GRIK4: variants seen among roughly 807,000 people sequenced by gnomAD.
GRIK4 encodes the protein glutamate receptor ionotropic, kainate 4.
GRIK4 carries 40 observed loss-of-function variants against 104.9 expected under a neutral mutation model. The ratio of observed to expected loss-of-function variants is 0.38; its 90% CI spans 0.30 to 0.50. The LOEUF (loss-of-function observed/expected upper bound fraction) is 0.50. Ranked by LOEUF, GRIK4 falls within the 20% of genes least tolerant of loss-of-function variation. The pLI is 0.93. For synonymous variants in GRIK4, 485 were observed against 524.9 expected (o/e 0.92, Z 1.04); for missense variants, 1,047 against 1,308.1 (o/e 0.80, Z 3.08).
intron 2 of GRIK4, among the ~76,000 whole-genome samples, chr11:120,655,833 G>C (rs1465705336): frequency 6.6e-6 from 1 of 152,198 alleles, no homozygotes. Context: ...GAGGAAGTAG[G>C]AGGAGGAGCA....
Position 120,952,755 on chromosome 11 carries a change from C to A in GRIK4, c.1591-100C>A. On this transcript the variant is annotated intron_variant, in intron 14 of 20. Transcript: ENST00000527524. The surrounding 1 kb of genome is among the most constrained non-coding windows in gnomAD (Gnocchi z 5.2). Reference sequence around the variant, plus strand: ...GAACCCACAGAAATGGGAACTGGGGCCAGACCCACACTCACTACCTCCTCT... The same window carrying A: ...GAACCCACAGAAATGGGAACTGGGGACAGACCCACACTCACTACCTCCTCT... 2.5e-6 allele frequency: 2 copies of A among 804,470 alleles called. No homozygotes were observed. Among genetic ancestry groups the A allele is most frequent in the Non-Finnish European group, 4.4e-6 (2 of 450,690 alleles). The allele number at this position is 804,470 out of a possible 1,614,324, so 49.8% of individuals were successfully genotyped here.
At chr11:120,699,489 A>G (rs12278795) in intron 3 of GRIK4, among the ~76,000 whole-genome samples, 17,560 of 151,934 alleles carry the variant, frequency 0.12, 1,109 homozygotes, top group South Asian at 0.2. Flanking sequence ...ATTGAAATGA[A>G]TAGGAATCCC....
At chr11:120,784,360 A>G (rs1952221757) in intron 3 of GRIK4, among the ~76,000 whole-genome samples, 1 of 152,182 alleles carries the variant, frequency 6.6e-6, no homozygotes, top group Non-Finnish European at 1.5e-5. Context: ...CAAGGTGGAA[A>G]CAATCGAAGT....
intron 3 of GRIK4, among the ~76,000 whole-genome samples, chr11:120,688,947 T>C (rs1287810559): frequency 6.6e-6 from 1 of 152,080 alleles, no homozygotes; most frequent in Non-Finnish European, 1.5e-5. Flanking sequence ...GCACCAGGTC[T>C]TGGGAAAACA....
intron 4 of GRIK4, among the ~76,000 whole-genome samples, chr11:120,803,800 A>G (rs1486083461): frequency 6.6e-6 from 1 of 152,228 alleles, no homozygotes; most frequent in East Asian, 1.9e-4. Context: ...TTTTACAGGC[A>G]TATGTAGTAG....
Position 120,923,499 on chromosome 11 carries a change from G to A in GRIK4, c.1477-16848G>A, listed in dbSNP as rs904743178. Among the ~76,000 whole-genome samples, 183 of 131,470 alleles carry A rather than the reference G, an allele frequency of 1.4e-3. 1 individual carries two copies. The highest frequency in any genetic ancestry group is 1.7e-3 in the Non-Finnish European group (112 of 65,168). 86.2% of individuals were successfully genotyped at this position (131,470 alleles called of 152,430 possible). A position where few individuals can be genotyped will look rare whatever the true frequency, so the allele number is the denominator to read the frequency against. ...GCGATCTCGGCTCACTGCAAGCTCCGCCTCCCGGGTTCACACCATTCTCCT... is the reference window on the plus strand; with the variant it reads ...GCGATCTCGGCTCACTGCAAGCTCCACCTCCCGGGTTCACACCATTCTCCT... On this transcript the variant is annotated intron_variant, in intron 13 of 20. Coordinates refer to ENST00000527524, the MANE Select transcript of GRIK4 (RefSeq NM_014619.5).
intron 3 of GRIK4, among the ~76,000 whole-genome samples, chr11:120,670,862 C>T (rs1231044052): frequency 6.6e-6 from 1 of 152,146 alleles, no homozygotes; most frequent in African/African-American, 2.4e-5. Context: ...CCTTGTCCCC[C>T]ACCCCTCGAC....
chr11:120,699,095 C>CCA (rs1950506569), intron 3 of GRIK4, among the ~76,000 whole-genome samples: 1 of 152,216 alleles, frequency 6.6e-6, no homozygotes, highest in Non-Finnish European at 1.5e-5. Context: ...GTCATATTTC[C>CCA]CGTTGCCACT....
rs986133884 is a variant in GRIK4 at position 120,953,146 on chromosome 11, C to T, written c.1700+182C>T. 5.3e-5 allele frequency among the ~76,000 whole-genome samples: 8 copies of T among 151,940 alleles called. No individual in the cohort carries two copies. Among genetic ancestry groups the T allele is most frequent in the Non-Finnish European group, 1.2e-4 (8 of 67,972 alleles). Reference sequence around the variant, plus strand: ...ATGCTCTCTGCCCAGCTGTCGACCTCATGCTGCCCATCCAAACATTCCCCA... The same window carrying T: ...ATGCTCTCTGCCCAGCTGTCGACCTTATGCTGCCCATCCAAACATTCCCCA... On this transcript the variant is annotated intron_variant, in intron 15 of 20. Coordinates refer to ENST00000527524, the MANE Select transcript of GRIK4 (RefSeq NM_014619.5). This position sits in a 1 kb window ranked among gnomAD's most constrained non-coding sequence, Gnocchi z 4.9.
At chr11:120,726,955 A>G (rs73012316) in intron 3 of GRIK4, among the ~76,000 whole-genome samples, 5,364 of 152,294 alleles carry the variant, frequency 0.035, 124 homozygotes, top group East Asian at 0.094. Context: ...TTCCAAATAC[A>G]ATAGGGTGGG....
At chr11:120,916,860 C>T (rs1311749658) in intron 13 of GRIK4, among the ~76,000 whole-genome samples, 2 of 152,166 alleles carry the variant, frequency 1.3e-5, no homozygotes, top group Non-Finnish European at 2.9e-5. Context: ...ATTCGAAACA[C>T]TTCTGGTCTC....
At chr11:120,668,477 G>A (rs73580489) in intron 3 of GRIK4, among the ~76,000 whole-genome samples, 2,140 of 152,294 alleles carry the variant, frequency 0.014, 51 homozygotes, top group African/African-American at 0.048. Flanking sequence ...CGGGGAAGAC[G>A]TCAGCCCCAG....
At chr11:120,768,831 A>G (rs1371584209) in intron 3 of GRIK4, among the ~76,000 whole-genome samples, 2 of 152,194 alleles carry the variant, frequency 1.3e-5, no homozygotes, top group African/African-American at 4.8e-5. Context: ...TATTAATGTG[A>G]TGTGTCATGC....
At chr11:120,527,431 G>T (rs182585931) in intron 1 of GRIK4, among the ~76,000 whole-genome samples, 1 of 152,196 alleles carries the variant, frequency 6.6e-6, no homozygotes, top group African/African-American at 2.4e-5. Flanking sequence ...GACCCCTGCC[G>T]GTGAGAGAGG....
intron 11 of GRIK4, among the ~76,000 whole-genome samples, chr11:120,883,596 C>G (rs1955029614): frequency 6.6e-6 from 1 of 152,192 alleles, no homozygotes; most frequent in Admixed American, 6.5e-5. Context: ...CTTCCTGGCC[C>G]ATGTAAGTCT....
At chr11:120,593,707 C>T (rs1361744888) in intron 1 of GRIK4, among the ~76,000 whole-genome samples, 3 of 152,186 alleles carry the variant, frequency 2.0e-5, no homozygotes, top group Non-Finnish European at 2.9e-5. Context: ...CTAGCAGTTC[C>T]ATCTATCTAT....
chr11:120,551,732 G>T (rs532261683), intron 1 of GRIK4, among the ~76,000 whole-genome samples: 1 of 151,688 alleles, frequency 6.6e-6, no homozygotes, highest in South Asian at 2.1e-4. Context: ...AGTGAGCCGA[G>T]ATCACACCGT....
chr11:120,627,803 T>G (rs1949280734), intron 1 of GRIK4, among the ~76,000 whole-genome samples: 4 of 152,252 alleles, frequency 2.6e-5, no homozygotes, highest in Admixed American at 2.6e-4. Context: ...TGCTCCCATC[T>G]GGCTGCATCC....
intron 3 of GRIK4, among the ~76,000 whole-genome samples, chr11:120,717,158 C>T (rs751943891): frequency 1.3e-5 from 2 of 152,154 alleles, no homozygotes; most frequent in Non-Finnish European, 2.9e-5. Context: ...CTGTGCTCAT[C>T]GCGGAACTGG....
Sources: gnomAD v4.1 joint callset for allele counts (sites outside exome capture counted in the v4.1 genomes callset) on GRCh38, gnomAD v4.1.1 for gene constraint, Gnocchi (gnomAD v3.1) non-coding constraint, MANE v1.5 for transcripts, NCBI Gene and HGNC (gene_info 2026-07-23, HGNC 2026-07-21) for gene names.